HNF4G: variants seen among roughly 807,000 people sequenced by gnomAD.
HNF4G encodes the protein hepatocyte nuclear factor 4 gamma, also known as hepatocyte nuclear factor 4-gamma.
HNF4G carries 21 observed loss-of-function variants against 50.9 expected under a neutral mutation model. That is an observed-to-expected ratio of 0.41 (90% confidence interval 0.29 to 0.59). The LOEUF is 0.59. Among genes scored for constraint, HNF4G ranks in the 20% least tolerant of loss-of-function variants. The pLI is 0.26. For missense variants in HNF4G, 527 were observed against 559.4 expected, an observed-to-expected ratio of 0.94 and a Z score of 0.58; for synonymous variants, 198 against 185.6, an observed-to-expected ratio of 1.07 and a Z score of -0.54.
intron 4 of HNF4G, among the ~76,000 whole-genome samples, chr8:75,551,897 T>G (rs991290862): frequency 2.6e-5 from 4 of 152,220 alleles, no homozygotes; most frequent in Non-Finnish European, 5.9e-5. Context: ...AAATGACTTC[T>G]GGATCTTTGG....
At chr8:75,538,712 AC>A (rs976893426), upstream of HNF4G, among the ~76,000 whole-genome samples, 1 of 152,192 alleles carries the variant, frequency 6.6e-6, no homozygotes, top group Non-Finnish European at 1.5e-5. Context: ...TTAAGAGTAT[AC>A]AGAATATGAG....
At chr8:75,510,207 A>G (rs1296216075) in intron 2 of HNF4G, among the ~76,000 whole-genome samples, 2 of 152,214 alleles carry the variant, frequency 1.3e-5, no homozygotes, top group Non-Finnish European at 2.9e-5. Context: ...AATTAGAAAT[A>G]GAAAATGTTT....
chr8:75,516,819 C>G (rs1379903130), intron 2 of HNF4G, among the ~76,000 whole-genome samples: 1 of 152,172 alleles, frequency 6.6e-6, no homozygotes, highest in Admixed American at 6.5e-5. Context: ...ACTATTATTA[C>G]TCCTGACAAT....
chr8:75,560,640 A>T (rs145218671), intron 9 of HNF4G, among the ~76,000 whole-genome samples, 174 bp downstream of exon 9: 2 of 152,154 alleles, frequency 1.3e-5, no homozygotes, highest in African/African-American at 4.8e-5. Flanking sequence ...CTCCCTAGAC[A>T]TAAGTTTGCT....
chr8:75,545,959 C>A (rs1252452929), intron 2 of HNF4G, among the ~76,000 whole-genome samples: 2 of 152,072 alleles, frequency 1.3e-5, no homozygotes, highest in Admixed American at 1.3e-4. Context: ...CCCAAATGGG[C>A]AATGCCTTGT....
chr8:75,547,539 T>C (rs747064176), intron 2 of HNF4G, 48 bp from the exon 3 acceptor site: 1 of 1,303,476 alleles, frequency 7.7e-7, no homozygotes, highest in African/African-American at 1.5e-5. Context: ...TATTTGCTTC[T>C]TTTGTAAATT....
intron 3 of HNF4G, among the ~76,000 whole-genome samples, chr8:75,549,864 G>T (rs905655428): frequency 4.0e-5 from 6 of 151,806 alleles, no homozygotes; most frequent in African/African-American, 9.7e-5. Flanking sequence ...GTGATGTTTG[G>T]TTTTTTGTCC....
At chr8:75,443,326 A>G (rs1811332578) in intron 1 of HNF4G, among the ~76,000 whole-genome samples, 1 of 152,172 alleles carries the variant, frequency 6.6e-6, no homozygotes, top group Admixed American at 6.6e-5. Context: ...AACTATTTTA[A>G]TCAAATCACT....
chr8:75,417,155 G>A (rs1374673019), intron 1 of HNF4G, among the ~76,000 whole-genome samples: 2 of 151,900 alleles, frequency 1.3e-5, no homozygotes, highest in Non-Finnish European at 2.9e-5. Context: ...ACGCTGCTGT[G>A]ACTAGTCAGC....
At chr8:75,537,961 G>A (rs1344019364), upstream of HNF4G, among the ~76,000 whole-genome samples, 1 of 152,094 alleles carries the variant, frequency 6.6e-6, no homozygotes, top group African/African-American at 2.4e-5. Flanking sequence ...AGAAAAGAGG[G>A]CTTCCACTGT....
chr8:75,482,345 C>A (rs555800016), intron 1 of HNF4G, among the ~76,000 whole-genome samples: 1 of 152,116 alleles, frequency 6.6e-6, no homozygotes, highest in South Asian at 2.1e-4. Context: ...AGCCTCTCTT[C>A]TCCTCTCCCC....
upstream of HNF4G, chr8:75,539,744 T>C (rs1398999902): frequency 7.2e-6 from 3 of 415,684 alleles, no homozygotes; most frequent in Admixed American, 8.3e-5. Context: ...TCCAAGATTA[T>C]CACAAGGAAT....
At chr8:75,444,195 G>A (rs1811363675) in intron 1 of HNF4G, among the ~76,000 whole-genome samples, 1 of 151,734 alleles carries the variant, frequency 6.6e-6, no homozygotes, top group South Asian at 2.1e-4. Flanking sequence ...ATAAGTGAAG[G>A]AGAAATAAAA....
intron 2 of HNF4G, among the ~76,000 whole-genome samples, chr8:75,517,125 A>G (rs1186561559): frequency 6.6e-6 from 1 of 152,160 alleles, no homozygotes; most frequent in African/African-American, 2.4e-5. Context: ...AGACTTATTC[A>G]CTATCACGAG....
At chr8:75,468,005 A>G (rs1053803146) in intron 1 of HNF4G, among the ~76,000 whole-genome samples, 34 of 152,298 alleles carry the variant, frequency 2.2e-4, no homozygotes, top group African/African-American at 8.2e-4. Context: ...ATATATATTT[A>G]TACAAAAATG....
intron 2 of HNF4G, among the ~76,000 whole-genome samples, chr8:75,520,777 C>A (rs1311718240): frequency 6.6e-6 from 1 of 151,996 alleles, no homozygotes; most frequent in African/African-American, 2.4e-5. Context: ...ATTCATGTTT[C>A]TTTTTTTCTT....
chr8:75,519,537 G>A (rs117171643), intron 2 of HNF4G, among the ~76,000 whole-genome samples: 4,016 of 152,248 alleles, frequency 0.026, 73 homozygotes, highest in Non-Finnish European at 0.036. Flanking sequence ...ACAGTTCCAC[G>A]TGGCTGAGGA....
chr8:75,449,684 T>C (rs556486421), intron 1 of HNF4G, among the ~76,000 whole-genome samples: 5 of 151,910 alleles, frequency 3.3e-5, no homozygotes, highest in Admixed American at 1.3e-4. Context: ...TTTTTTTGTA[T>C]TTTTAGTAGA....
chr8:75,508,406 C>T (rs965994114), intron 2 of HNF4G, among the ~76,000 whole-genome samples: 5 of 149,696 alleles, frequency 3.3e-5, no homozygotes, highest in African/African-American at 1.2e-4. Flanking sequence ...CTCCATCTTA[C>T]ACCATGGTCC....
Sources: gnomAD v4.1 joint callset for allele counts (sites outside exome capture counted in the v4.1 genomes callset) on GRCh38, gnomAD v4.1.1 for gene constraint, MANE v1.5 for transcripts, NCBI Gene and HGNC (gene_info 2026-07-23, HGNC 2026-07-21) for gene names.